Variants in KCNQ1 observed in about 807,000 individuals in gnomAD.
KCNQ1 encodes the protein potassium voltage-gated channel subfamily KQT member 1.
A neutral mutation model predicts 72.4 loss-of-function variants in KCNQ1; 49 were observed. That is an observed-to-expected ratio of 0.68 (90% confidence interval 0.54 to 0.86). The LOEUF is 0.86. Among genes scored for constraint, KCNQ1 ranks in the 40% least tolerant of loss-of-function variants. KCNQ1 has a pLI of 0.00. For missense variants in KCNQ1, 790 were observed against 945.1 expected, an observed-to-expected ratio of 0.84 and a Z score of 2.15; for synonymous variants, 450 against 412.6, an observed-to-expected ratio of 1.09 and a Z score of -1.10.
Position 2,744,411 on chromosome 11 carries a change from A to G in KCNQ1, c.1515-24433A>G, listed in dbSNP as rs74049726. Reference sequence around the variant, plus strand: ...GGAAGAATGTGTTTCTTGCTCCAGTACTGCAGAGCATGTGATACCTGCAGG... The same window carrying G: ...GGAAGAATGTGTTTCTTGCTCCAGTGCTGCAGAGCATGTGATACCTGCAGG... On this transcript the variant is annotated intron_variant, in intron 11 of 15. Coordinates refer to ENST00000155840, the MANE Select transcript of KCNQ1 (RefSeq NM_000218.3). 6.4e-3 allele frequency among the ~76,000 whole-genome samples: 977 copies of G among 152,316 alleles called. 8 individuals carry two copies. The highest frequency in any genetic ancestry group is 0.022 in the African/African-American group (932 of 41,578).
Position 2,654,903 on chromosome 11 carries a change from G to T in KCNQ1, c.1394-7058G>T. On this transcript the variant is annotated intron_variant, in intron 10 of 15. Transcript: ENST00000155840. This position sits in a 1 kb window ranked among gnomAD's most constrained non-coding sequence, Gnocchi z 6.4. ...GCAACTCTAGGATAAGATGTGCAAG[G>T]TCGTGGGCCAGAGAGCAAGGCACAG... is the stretch of plus-strand genomic sequence containing the variant. 2.5e-6 allele frequency: 1 copy of T among 398,614 alleles called. No individual in the cohort carries two copies. The highest frequency in any genetic ancestry group is 4.4e-6 in the Non-Finnish European group (1 of 226,076). The allele number at this position is 398,614 out of a possible 1,614,324, so 24.7% of individuals were successfully genotyped here. A position where few individuals can be genotyped will look rare whatever the true frequency, so the allele number is the denominator to read the frequency against.
At chr11:2,667,757 G>C (rs532565371) in intron 11 of KCNQ1, 2 of 398,738 alleles carry the variant, frequency 5.0e-6, no homozygotes, top group Non-Finnish European at 8.8e-6. Flanking sequence ...GCTGGGCCTA[G>C]CGGCCCTGAA....
In KCNQ1 at chr11:2,626,829, G is replaced by A. The variant is rs1171644643; in HGVS notation, c.1394-35132G>A. The A allele has an allele frequency of 7.5e-6, 3 of 398,474 alleles. No homozygotes were observed. Among genetic ancestry groups the A allele is most frequent in the Non-Finnish European group, 1.3e-5 (3 of 226,064 alleles). 24.7% of individuals were successfully genotyped at this position (398,474 alleles called of 1,614,324 possible). A position where few individuals can be genotyped will look rare whatever the true frequency, so the allele number is the denominator to read the frequency against. ...AGGTGTAGGCCATTGTACCTGGCCT[G>A]TAGTAAGTTTTCAAATCAGAAAGTG... On this transcript the variant is annotated intron_variant, in intron 10 of 15. Transcript: ENST00000155840. This position sits in a 1 kb window ranked among gnomAD's most constrained non-coding sequence, Gnocchi z 4.0.
In KCNQ1 at chr11:2,816,545, C is replaced by T. The variant is rs1847617364; in HGVS notation, c.1795-31222C>T. Reference sequence around the variant, plus strand: ...AGCTGGACTCTGACTGCCTGTCATCCAGAGGGAGCAAACAGCCACCCTGTG... The same window carrying T: ...AGCTGGACTCTGACTGCCTGTCATCTAGAGGGAGCAAACAGCCACCCTGTG... On this transcript the variant is annotated intron_variant, in intron 15 of 15. Transcript: ENST00000155840. The surrounding 1 kb of genome is among the most constrained non-coding windows in gnomAD (Gnocchi z 6.8). 1.3e-5 allele frequency among the ~76,000 whole-genome samples: 2 copies of T among 152,260 alleles called. No homozygotes were observed. Among genetic ancestry groups the T allele is most frequent in the South Asian group, 4.1e-4 (2 of 4,820 alleles).
chr11:2,825,754 A>G (rs1847825015), intron 15 of KCNQ1, among the ~76,000 whole-genome samples: 1 of 152,212 alleles, frequency 6.6e-6, no homozygotes, highest in Non-Finnish European at 1.5e-5. Flanking sequence ...TTCACACTTC[A>G]GTATGAATGA....
At chr11:2,841,222 C>T (rs534821395) in intron 15 of KCNQ1, among the ~76,000 whole-genome samples, 261 of 152,318 alleles carry the variant, frequency 1.7e-3, no homozygotes, top group African/African-American at 6.0e-3. Context: ...CTGAGATGGG[C>T]GCTCAGATCA....
At chr11:2,504,578 A>G (rs1480358293) in intron 1 of KCNQ1, among the ~76,000 whole-genome samples, 3 of 152,156 alleles carry the variant, frequency 2.0e-5, no homozygotes, top group African/African-American at 7.2e-5. Context: ...CAACATGGTG[A>G]AACCCCCTTC....
intron 2 of KCNQ1, among the ~76,000 whole-genome samples, chr11:2,540,983 G>T (rs1378229953): frequency 6.6e-6 from 1 of 152,224 alleles, no homozygotes; most frequent in South Asian, 2.1e-4. Flanking sequence ...AGGCACACAC[G>T]CACAGACATA....
chr11:2,534,303 G>A (rs1028698729), intron 2 of KCNQ1, among the ~76,000 whole-genome samples: 1 of 152,248 alleles, frequency 6.6e-6, no homozygotes, highest in Non-Finnish European at 1.5e-5. Flanking sequence ...CCTGGGACCC[G>A]CAGCTGCTCT....
intron 11 of KCNQ1, among the ~76,000 whole-genome samples, chr11:2,756,807 A>G (rs1225818489): frequency 6.6e-6 from 1 of 152,094 alleles, no homozygotes; most frequent in Non-Finnish European, 1.5e-5. Flanking sequence ...TTGTTTTTAA[A>G]AACTAATTAT....
Position 2,536,701 on chromosome 11 carries a change from A to G in KCNQ1, c.477+8683A>G, listed in dbSNP as rs115894051. ...GTGGCTCTCCCTCCCAGCCTGCCAG[A>G]GGGACCGCTGGGCCTATCTCCAGCC... On this transcript the variant is annotated intron_variant, in intron 2 of 15. Coordinates refer to ENST00000155840, the MANE Select transcript of KCNQ1 (RefSeq NM_000218.3). The surrounding 1 kb of genome is among the most constrained non-coding windows in gnomAD (Gnocchi z 7.4). 0.072 allele frequency among the ~76,000 whole-genome samples: 10,814 copies of G among 151,078 alleles called. 812 individuals carry two copies. The highest frequency in any genetic ancestry group is 0.18 in the African/African-American group (7,277 of 40,462).
intron 1 of KCNQ1, among the ~76,000 whole-genome samples, chr11:2,485,043 G>A (rs921266654): frequency 2.6e-5 from 4 of 152,162 alleles, no homozygotes; most frequent in South Asian, 2.1e-4. Context: ...TGTGCATGGC[G>A]TCTGTGCACG....
In KCNQ1 at chr11:2,782,166, C is replaced by T. The variant is rs1272922118; in HGVS notation, c.1794+4129C>T. Reference sequence around the variant, plus strand: ...GTTCCCCGAGCTGCACCCCCAGAGCCGCCGTGCTGCTGTTCATCCTCTCCC... The same window carrying T: ...GTTCCCCGAGCTGCACCCCCAGAGCTGCCGTGCTGCTGTTCATCCTCTCCC... On this transcript the variant is annotated intron_variant, in intron 15 of 15. Transcript: ENST00000155840. This position sits in a 1 kb window ranked among gnomAD's most constrained non-coding sequence, Gnocchi z 6.1. 2.0e-5 allele frequency among the ~76,000 whole-genome samples: 3 copies of T among 152,286 alleles called. No individual in the cohort carries two copies. Among genetic ancestry groups the T allele is most frequent in the Non-Finnish European group, 4.4e-5 (3 of 68,026 alleles).
chr11:2,831,434 C>A (rs1266378161), intron 15 of KCNQ1, among the ~76,000 whole-genome samples: 1 of 152,088 alleles, frequency 6.6e-6, no homozygotes, highest in African/African-American at 2.4e-5. Context: ...GTGCTTCTGC[C>A]TCCAGGAAGC....
rs1253548962 is a variant in KCNQ1, at chr11:2,544,272, A to G, written c.477+16254A>G. 9.3e-6 allele frequency among the ~76,000 whole-genome samples: 1 copy of G among 107,784 alleles called. No individual in the cohort carries two copies. 70.7% of individuals were successfully genotyped at this position (107,784 alleles called of 152,430 possible). On this transcript the variant is annotated intron_variant, in intron 2 of 15. Transcript: ENST00000155840. This position sits in a 1 kb window ranked among gnomAD's most constrained non-coding sequence, Gnocchi z 4.4. ...TGTATATATATATGTGTGTGTGTGT[A>G]TATATATGTGTATATATATATGTAT...
chr11:2,508,933 G>A lies in KCNQ1; in HGVS notation c.387-18995G>A, dbSNP rs909090427. 6.6e-6 allele frequency among the ~76,000 whole-genome samples: 1 copy of A among 152,202 alleles called. No individual in the cohort carries two copies. Among genetic ancestry groups the A allele is most frequent in the African/African-American group, 2.4e-5 (1 of 41,448 alleles). Reference sequence around the variant, plus strand: ...GCACCCTACAGTCACAGAGGCAAACGAAGAATGTAGAGCTCCAGCTGGATG... The same window carrying A: ...GCACCCTACAGTCACAGAGGCAAACAAAGAATGTAGAGCTCCAGCTGGATG... On this transcript the variant is annotated intron_variant, in intron 1 of 15. Transcript: ENST00000155840. This position sits in a 1 kb window ranked among gnomAD's most constrained non-coding sequence, Gnocchi z 6.2.
chr11:2,810,889 T>C (rs1279483694), intron 15 of KCNQ1, among the ~76,000 whole-genome samples: 2 of 152,196 alleles, frequency 1.3e-5, no homozygotes, highest in African/African-American at 4.8e-5. Context: ...GAGTCCCACC[T>C]GTAGGACGCT....
intron 11 of KCNQ1, among the ~76,000 whole-genome samples, chr11:2,732,522 G>A (rs943177327): frequency 1.3e-5 from 2 of 152,214 alleles, no homozygotes; most frequent in Non-Finnish European, 2.9e-5. Flanking sequence ...GCCTGGAGGT[G>A]ATGTGGATGC....
rs759346531 is a variant in KCNQ1 at position 2,565,947 on chromosome 11, C to T, written c.478-4681C>T. ...CTGCACCCGCCTTGGGGCCATCTGA[C>T]ACCCACACCCTCCCTCCAGGCCAGA... On this transcript the variant is annotated intron_variant, in intron 2 of 15. Transcript: ENST00000155840. The surrounding 1 kb of genome is among the most constrained non-coding windows in gnomAD (Gnocchi z 5.6). Among the ~76,000 whole-genome samples the T allele has an allele frequency of 1.3e-5, 2 of 152,078 alleles. No individual in the cohort carries two copies. The highest frequency in any genetic ancestry group is 2.9e-5 in the Non-Finnish European group (2 of 68,006).
Sources: allele counts gnomAD v4.1 joint callset (sites outside exome capture counted in the v4.1 genomes callset), GRCh38; gene constraint gnomAD v4.1.1; non-coding constraint Gnocchi (gnomAD v3.1); transcripts MANE v1.5; gene names NCBI Gene and HGNC (gene_info 2026-07-23, HGNC 2026-07-21).